RHOD: variants seen among roughly 807,000 people sequenced by gnomAD.
RHOD encodes the protein ras homolog family member D, also known as rho-related GTP-binding protein RhoD.
A neutral mutation model predicts 16.7 loss-of-function variants in RHOD; 11 were observed. The observed-to-expected ratio is 0.66, with a 90% CI of 0.41 to 1.09. RHOD has a LOEUF of 1.09. Among genes scored for constraint, RHOD ranks in the 50% least tolerant of loss-of-function variants. The probability of loss-of-function intolerance (pLI) is 0.00; values close to 1 mark genes in which losing one functional copy is unlikely to be tolerated. For synonymous variants in RHOD, 124 were observed against 126.3 expected, an observed-to-expected ratio of 0.98 and a Z score of 0.12; for missense variants, 271 against 291.7, an observed-to-expected ratio of 0.93 and a Z score of 0.52.
chr11:67,064,665 A>G (rs575163261), intron 1 of RHOD, among the ~76,000 whole-genome samples: 1 of 152,224 alleles, frequency 6.6e-6, no homozygotes, highest in South Asian at 2.1e-4. Flanking sequence ...CTGCTGAATG[A>G]GTAGGTGAAT....
chr11:67,066,626 C>T, intron 2 of RHOD, 112 bp from the exon 3 acceptor site: 1 of 769,658 alleles, frequency 1.3e-6, no homozygotes, highest in Non-Finnish European at 2.2e-6. Flanking sequence ...AGGCAAAAAA[C>T]TAGGCCCTGT....
Position 67,070,645 on chromosome 11 carries a change from A to G in RHOD, c.465+86A>G. ...CTCTCAGTGGCACCAGGTGTCCAGA[A>G]CGCTCAGGGTGTAGGTCAGAGCTGC... is the stretch of plus-strand genomic sequence containing the variant. On this transcript the variant is annotated intron_variant, in intron 4 of 4. Transcript: ENST00000308831. The G allele has an allele frequency of 1.9e-6, 3 of 1,540,144 alleles. No homozygotes were observed. In the South Asian group the frequency reaches 3.4e-5, roughly 18 times the overall value.
chr11:67,056,986 C>A lies in RHOD; in HGVS notation c.84C>A (p.Cys28Ter), dbSNP rs868228624. 2 of 1,510,040 alleles carry A rather than the reference C, an allele frequency of 1.3e-6. No individual in the cohort carries two copies. Among genetic ancestry groups the A allele is most frequent in the Non-Finnish European group, 1.8e-6 (2 of 1,139,014 alleles). The allele number at this position is 1,510,040 out of a possible 1,614,324, so 93.5% of individuals were successfully genotyped here. ...TGGTCCTGGTGGGCGACGGCGGCTG[C>A]GGGAAGACGTCGCTGCTGATGGTCT... ...VKVVLVGDGG[C>*]GKTSLLMVFA... is the part of the protein sequence containing the mutation. Residue 28 changes from cysteine (C) to a stop codon, truncating the protein, a stop_gained, in exon 1 of 5, where the codon TGC becomes TGA. Transcript: ENST00000308831. LOFTEE classifies it high-confidence loss of function.
intron 1 of RHOD, 68 bp downstream of exon 1, chr11:67,057,102 A>AG: frequency 7.4e-7 from 1 of 1,351,884 alleles, no homozygotes; most frequent in Non-Finnish European, 9.4e-7. Context: ...TCCGTGCCGG[A>AG]GCGGCCCAGG....
At chr11:67,067,406 G>A (rs184060862) in intron 3 of RHOD, among the ~76,000 whole-genome samples, 57 of 152,198 alleles carry the variant, frequency 3.7e-4, no homozygotes, top group African/African-American at 1.3e-3. Flanking sequence ...CAACAACAAC[G>A]GTGACAATTT....
chr11:67,066,577 G>C (rs1458656460), intron 2 of RHOD, among the ~76,000 whole-genome samples, 161 bp from the exon 3 acceptor site: 1 of 152,264 alleles, frequency 6.6e-6, no homozygotes, highest in Non-Finnish European at 1.5e-5. Flanking sequence ...GCACTCACAT[G>C]GAGTAGCCAC....
chr11:67,064,478 T>C (rs1854935383), intron 1 of RHOD, among the ~76,000 whole-genome samples: 1 of 150,352 alleles, frequency 6.7e-6, no homozygotes, highest in Non-Finnish European at 1.5e-5. Flanking sequence ...TGGTAAGGGA[T>C]CAGGAAAGGC....
At chr11:67,064,362 G>A (rs1360863437) in intron 1 of RHOD, among the ~76,000 whole-genome samples, 16 of 147,850 alleles carry the variant, frequency 1.1e-4, no homozygotes, top group Non-Finnish European at 2.1e-4. Context: ...GCCAGATCAC[G>A]CCATTGCACT....
chr11:67,070,144 C>T, intron 3 of RHOD: 1 of 478,432 alleles, frequency 2.1e-6, no homozygotes, highest in Non-Finnish European at 4.0e-6. Context: ...CTGCCATTTC[C>T]AGCCAAGGCC....
intron 3 of RHOD, 148 bp from the exon 4 acceptor site, chr11:67,070,277 G>T (rs1461528671): frequency 1.2e-6 from 1 of 842,966 alleles, no homozygotes; most frequent in Admixed American, 2.0e-5. Flanking sequence ...ATGAGGTTCT[G>T]GTACCAAATA....
At position 67,071,426 on chromosome 11, in the gene RHOD, T is replaced by A; in HGVS notation, c.466-9T>A. 6.3e-7 allele frequency: 1 copy of A among 1,577,524 alleles called. No individual in the cohort carries two copies. Among genetic ancestry groups the A allele is most frequent in the Non-Finnish European group, 8.6e-7 (1 of 1,161,866 alleles). Reference sequence around the variant, plus strand: ...CCTTCACCGCAGCCCCATCCACCTCTCCCTCTAGGGCCAGGAGATGGCGAG... The same window carrying A: ...CCTTCACCGCAGCCCCATCCACCTCACCCTCTAGGGCCAGGAGATGGCGAG... On this transcript the variant is annotated splice_polypyrimidine_tract_variant and intron_variant, in intron 4 of 4. Transcript: ENST00000308831.
intron 4 of RHOD, 71 bp from the exon 5 acceptor site, chr11:67,071,364 G>A: frequency 1.4e-6 from 2 of 1,442,792 alleles, no homozygotes; most frequent in Non-Finnish European, 1.8e-6. Context: ...TCTTGTCCGG[G>A]AAAAGGAAGC....
intron 1 of RHOD, among the ~76,000 whole-genome samples, chr11:67,063,636 A>G (rs551003211): frequency 2.0e-5 from 3 of 151,306 alleles, no homozygotes; most frequent in African/African-American, 4.9e-5. Context: ...CATCTCTACT[A>G]AAAGTACAAA....
rs149901958 is a variant in RHOD, at chr11:67,066,761, C to T, written c.244C>T (p.Arg82Trp). ...TAGQDDYDRL[R>W]PLFYPDASVL... is the part of the protein sequence containing the mutation. ...AGGGCAAGATGACTATGACCGCCTG[C>T]GGCCCCTGTTCTACCCTGACGCCAG... The change falls in exon 3 of 5, where the codon CGG becomes TGG. Residue 82 changes from arginine to tryptophan, a missense_variant. Arg to Trp is a moderately radical substitution (Grantham distance 101). Transcript: ENST00000308831. 5.5e-3 allele frequency: 8,838 copies of T among 1,612,998 alleles called. 92 individuals carry two copies. The highest frequency in any genetic ancestry group is 0.012 in the Admixed American group (700 of 60,022).
chr11:67,071,217 CAG>C (rs1464178271), intron 4 of RHOD, among the ~76,000 whole-genome samples: 3 of 151,966 alleles, frequency 2.0e-5, no homozygotes, highest in African/African-American at 7.3e-5. Context: ...GCCTGGACGA[CAG>C]AGCAAGACTC....
chr11:67,065,077 A>G (rs1359034675), intron 1 of RHOD, among the ~76,000 whole-genome samples: 1 of 147,150 alleles, frequency 6.8e-6, no homozygotes, highest in African/African-American at 2.5e-5. Flanking sequence ...TGCGGTAGGG[A>G]CTTTTTTTTT....
intron 3 of RHOD, among the ~76,000 whole-genome samples, chr11:67,069,325 G>A (rs896077204): frequency 6.6e-6 from 1 of 152,072 alleles, no homozygotes; most frequent in Non-Finnish European, 1.5e-5. Flanking sequence ...AGTTGAGGCA[G>A]ACAGCTGCTG....
At chr11:67,058,841 G>A (rs1393768381) in intron 1 of RHOD, among the ~76,000 whole-genome samples, 1 of 152,152 alleles carries the variant, frequency 6.6e-6, no homozygotes, top group Non-Finnish European at 1.5e-5. Flanking sequence ...CACCTCCTTT[G>A]ACCAGTCATA....
At chr11:67,062,544 C>T (rs1854905643) in intron 1 of RHOD, among the ~76,000 whole-genome samples, 1 of 152,194 alleles carries the variant, frequency 6.6e-6, no homozygotes, top group Non-Finnish European at 1.5e-5. Context: ...GGGGCCAGCC[C>T]TTACCTCAAG....
Sources: gnomAD v4.1 joint callset for allele counts (sites outside exome capture counted in the v4.1 genomes callset) on GRCh38, gnomAD v4.1.1 for gene constraint, MANE v1.5 for transcripts, NCBI Gene and HGNC (gene_info 2026-07-23, HGNC 2026-07-21) for gene names.